The following PID1 variants were observed in gnomAD, a reference collection of about 807,000 sequenced individuals.
PID1 encodes phosphotyrosine interaction domain containing 1.
PID1 carries 10 observed loss-of-function variants against 19.1 expected under a neutral mutation model. The ratio of observed to expected loss-of-function variants is 0.52; its 90% confidence interval spans 0.32 to 0.89. The LOEUF (loss-of-function observed/expected upper bound fraction) is 0.89. PID1 is among the 40% of genes least tolerant of loss of function. PID1 has a pLI of 0.03. For missense variants in PID1, 248 were observed against 285.3 expected, an observed-to-expected ratio of 0.87 and a Z score of 0.94; for synonymous variants, 130 against 116.0, an observed-to-expected ratio of 1.12 and a Z score of -0.78.
chr2:229,265,451 T>G (rs895209372), intron 1 of PID1, among the ~76,000 whole-genome samples: 3 of 152,262 alleles, frequency 2.0e-5, no homozygotes, highest in South Asian at 4.1e-4. Flanking sequence ...GTGAATACAC[T>G]GATGCTTTAT....
In PID1 at chr2:229,191,328, G is replaced by A. The variant is rs117787303; in HGVS notation, c.31-35364C>T. Reference sequence around the variant, plus strand: ...TGAAGGCAGCCAGCAAGTCAGCCACGTGGCCCAGTGCTCTGGAAAGAGGGA... The same window carrying A: ...TGAAGGCAGCCAGCAAGTCAGCCACATGGCCCAGTGCTCTGGAAAGAGGGA... On this transcript the variant is annotated intron_variant, in intron 1 of 2. Coordinates refer to ENST00000392055, the MANE Select transcript of PID1 (RefSeq NM_001100818.2). 2.9e-4 allele frequency among the ~76,000 whole-genome samples: 44 copies of A among 152,284 alleles called. No homozygotes were observed. In the East Asian group the frequency reaches 4.8e-3, roughly 17 times the overall value.
chr2:229,270,479 G>T (rs752926322), intron 1 of PID1, among the ~76,000 whole-genome samples: 1 of 152,078 alleles, frequency 6.6e-6, no homozygotes, highest in Non-Finnish European at 1.5e-5. Context: ...TTAAATATCT[G>T]AAGGAGCTTG....
At chr2:229,086,812 C>T (rs1027492945) in intron 2 of PID1, among the ~76,000 whole-genome samples, 2 of 152,022 alleles carry the variant, frequency 1.3e-5, no homozygotes, top group African/African-American at 4.8e-5. Flanking sequence ...AGCAGCAATG[C>T]CGTCTTTCAG....
chr2:229,131,295 A>G (rs886947960), intron 2 of PID1, among the ~76,000 whole-genome samples: 2 of 149,482 alleles, frequency 1.3e-5, no homozygotes, highest in Non-Finnish European at 3.0e-5. Context: ...CAGTGTTGCG[A>G]TCTCAGCTCA....
At chr2:229,127,657 T>TGC (rs1695650412) in intron 2 of PID1, among the ~76,000 whole-genome samples, 1 of 152,072 alleles carries the variant, frequency 6.6e-6, no homozygotes, top group Non-Finnish European at 1.5e-5. Context: ...TACAGTGGCA[T>TGC]CCCCGGCCTC....
chr2:229,092,447 C>T (rs1694895185), intron 2 of PID1, among the ~76,000 whole-genome samples: 1 of 152,076 alleles, frequency 6.6e-6, no homozygotes, highest in Non-Finnish European at 1.5e-5. Context: ...GAGAAACTAG[C>T]CAAAGAGAAA....
chr2:229,141,973 T>A (rs2106181430), intron 2 of PID1, among the ~76,000 whole-genome samples: 1 of 152,018 alleles, frequency 6.6e-6, no homozygotes, highest in East Asian at 1.9e-4. Context: ...ACTAGCTGGA[T>A]AGTCAGGAGC....
At position 229,219,838 on chromosome 2, in the gene PID1, ATT is replaced by A. The variant is rs199672830; in HGVS notation, c.30+51174_30+51175del. On this transcript the variant is annotated intron_variant, in intron 1 of 2. Transcript: ENST00000392055. ...GCCTGGCCAAGCCCCTTTTATTTTT[ATT>A]TTTTTTTTGTCATTGTTGTAGATAA... Among the ~76,000 whole-genome samples the A allele has an allele frequency of 1.2e-3, 175 of 148,782 alleles. 1 individual carries two copies. Among genetic ancestry groups the A allele is most frequent in the African/African-American group, 3.9e-3 (158 of 40,438 alleles).
At chr2:229,202,241 G>A (rs953539132) in intron 1 of PID1, among the ~76,000 whole-genome samples, 5 of 151,932 alleles carry the variant, frequency 3.3e-5, no homozygotes, top group Admixed American at 2.0e-4. Context: ...GGTTCTTATC[G>A]CTACTCTGCA....
At chr2:229,174,027 C>T (rs1185863306) in intron 1 of PID1, among the ~76,000 whole-genome samples, 1 of 152,202 alleles carries the variant, frequency 6.6e-6, no homozygotes, top group Non-Finnish European at 1.5e-5. Flanking sequence ...CCCTTCCCTG[C>T]TCCACTTCCC....
At chr2:229,145,745 G>A (rs1276148536) in intron 2 of PID1, among the ~76,000 whole-genome samples, 1 of 152,052 alleles carries the variant, frequency 6.6e-6, no homozygotes, top group Admixed American at 6.6e-5. Context: ...ACTGTTTCAT[G>A]TGCCCACTAT....
chr2:229,059,322 T>G (rs115862633), intron 2 of PID1, among the ~76,000 whole-genome samples: 1,604 of 152,298 alleles, frequency 0.011, 9 homozygotes, highest in Non-Finnish European at 0.017. Flanking sequence ...AAAGAAAAAC[T>G]AAAGCATCTT....
At chr2:229,196,743 T>C (rs1332530217) in intron 1 of PID1, among the ~76,000 whole-genome samples, 1 of 152,064 alleles carries the variant, frequency 6.6e-6, no homozygotes, top group Non-Finnish European at 1.5e-5. Flanking sequence ...GTGCACATCA[T>C]ATTTATGCTT....
At chr2:229,080,770 T>C (rs1421001622) in intron 2 of PID1, among the ~76,000 whole-genome samples, 1 of 152,216 alleles carries the variant, frequency 6.6e-6, no homozygotes. Context: ...CAGTCACATA[T>C]GTTTAAAACA....
intron 1 of PID1, among the ~76,000 whole-genome samples, chr2:229,249,766 C>G (rs191005832): frequency 2.3e-3 from 344 of 152,102 alleles, no homozygotes; most frequent in African/African-American, 8.0e-3. Context: ...GGAGTATGAT[C>G]CCCCAGGCAG....
chr2:229,215,343 C>G (rs1046995394), intron 1 of PID1, among the ~76,000 whole-genome samples: 3 of 152,186 alleles, frequency 2.0e-5, no homozygotes, highest in Non-Finnish European at 4.4e-5. Context: ...TTGTCTTTTT[C>G]ATATTGATTG....
In PID1 at chr2:229,166,976, G is replaced by GGGAAGGGGAAGGGGAAGT. The variant is rs1446656347; in HGVS notation, c.31-11030_31-11013dup. ...GAAAAGAAAAGAAAGGAAGGGGAAG[G>GGGAAGGGGAAGGGGAAGT]GGAAGGGGAAGGGGAAGTGGAAGGG... is the stretch of plus-strand genomic sequence containing the variant. On this transcript the variant is annotated intron_variant, in intron 1 of 2. Coordinates refer to ENST00000392055, the MANE Select transcript of PID1 (RefSeq NM_001100818.2). Among the ~76,000 whole-genome samples the GGGAAGGGGAAGGGGAAGT allele has an allele frequency of 2.0e-5, 3 of 150,702 alleles. No individual in the cohort carries two copies. The Admixed American group carries it at 2.0e-4, about 10-fold the overall frequency.
intron 2 of PID1, among the ~76,000 whole-genome samples, chr2:229,035,502 T>C (rs1284869960): frequency 9.0e-6 from 1 of 110,948 alleles, no homozygotes; most frequent in Non-Finnish European, 1.8e-5. Flanking sequence ...GGCCAATCAT[T>C]TATATGTGTG....
At chr2:229,093,559 A>AGATCTTG (rs1392239879) in intron 2 of PID1, among the ~76,000 whole-genome samples, 4 of 152,218 alleles carry the variant, frequency 2.6e-5, no homozygotes, top group African/African-American at 9.6e-5. Context: ...GGGAGTCTGC[A>AGATCTTG]GATCTTGGTT....
Sources: allele counts gnomAD v4.1 joint callset (sites outside exome capture counted in the v4.1 genomes callset), GRCh38; gene constraint gnomAD v4.1.1; transcripts MANE v1.5; gene names NCBI Gene and HGNC (gene_info 2026-07-23, HGNC 2026-07-21).